The following PRKG2 variants were observed in gnomAD, a reference collection of about 807,000 sequenced individuals.
PRKG2 encodes the protein cGMP-dependent protein kinase 2.
In PRKG2, 33 loss-of-function variants were observed where a neutral mutation model predicts 97.2. The observed-to-expected ratio is 0.34, with a 90% CI of 0.26 to 0.45. PRKG2 has a LOEUF of 0.45. PRKG2 is among the 20% of genes least tolerant of loss of function. The probability of loss-of-function intolerance (pLI) is 1.00; values close to 1 mark genes in which losing one functional copy is unlikely to be tolerated. For missense variants in PRKG2, 638 were observed against 900.0 expected, an observed-to-expected ratio of 0.71 and a Z score of 3.73; for synonymous variants, 330 against 321.8, an observed-to-expected ratio of 1.03 and a Z score of -0.27.
At position 81,143,694 on chromosome 4, in the gene PRKG2, T is replaced by C. The variant is rs138753787; in HGVS notation, c.1253+538A>G. 3.0e-3 allele frequency among the ~76,000 whole-genome samples: 460 copies of C among 152,288 alleles called. 2 individuals are homozygous for C. Among genetic ancestry groups the C allele is most frequent in the African/African-American group, 0.011 (439 of 41,562 alleles). On this transcript the variant is annotated intron_variant, in intron 10 of 18. Coordinates refer to ENST00000264399, the MANE Select transcript of PRKG2 (RefSeq NM_006259.3). The stretch of plus-strand genomic sequence containing the variant: ...ATATGGCTTTGATAGCACTATCTAG[T>C]GAACATGTGCTTAAGCATTCACTCT...
At chr4:81,205,875 A>G (rs1753618122) in intron 1 of PRKG2, among the ~76,000 whole-genome samples, 2 of 152,228 alleles carry the variant, frequency 1.3e-5, no homozygotes, top group Non-Finnish European at 2.9e-5. Context: ...TCATGAATCT[A>G]GTGAGTCTCT....
intron 12 of PRKG2, among the ~76,000 whole-genome samples, chr4:81,139,718 T>G (rs1300535668): frequency 1.4e-5 from 2 of 139,812 alleles, no homozygotes; most frequent in African/African-American, 2.7e-5. Context: ...GAGCTTGCAG[T>G]GAGCAAAGAT....
chr4:81,109,305 T>G (rs915716040), intron 15 of PRKG2, among the ~76,000 whole-genome samples: 4 of 152,246 alleles, frequency 2.6e-5, no homozygotes, highest in Non-Finnish European at 5.9e-5. Context: ...AAGTATGTGT[T>G]AAGACTTGTA....
At chr4:81,203,688 T>G (rs1753455950) in intron 2 of PRKG2, among the ~76,000 whole-genome samples, 1 of 152,102 alleles carries the variant, frequency 6.6e-6, no homozygotes, top group Admixed American at 6.5e-5. Flanking sequence ...AAAATCAAAC[T>G]TTCGCCCATA....
At position 81,114,044 on chromosome 4, in the gene PRKG2, C is replaced by T. The variant is rs570832219; in HGVS notation, c.1777-3433G>A. On this transcript the variant is annotated intron_variant, in intron 14 of 18. Transcript: ENST00000264399. ...CTAAGAGTATTTAGTAGAAGGTGGG[C>T]GAGATGAAGGGAAGACTTGCATACC... is the stretch of plus-strand genomic sequence containing the variant. Among the ~76,000 whole-genome samples the T allele has an allele frequency of 4.6e-5, 7 of 151,724 alleles. No individual in the cohort carries two copies. In the East Asian group the frequency reaches 7.8e-4, roughly 17 times the overall value.
intron 6 of PRKG2, among the ~76,000 whole-genome samples, chr4:81,156,064 A>C (rs1463332363): frequency 6.6e-6 from 1 of 152,160 alleles, no homozygotes; most frequent in East Asian, 1.9e-4. Flanking sequence ...GACAGGATCA[A>C]ATTCACACAT....
intron 17 of PRKG2, among the ~76,000 whole-genome samples, chr4:81,093,291 T>G (rs1033713985): frequency 6.6e-6 from 1 of 151,784 alleles, no homozygotes; most frequent in Admixed American, 6.6e-5. Flanking sequence ...CCTTCATGTC[T>G]TTTCTCAAAG....
intron 12 of PRKG2, 61 bp from the exon 13 acceptor site, chr4:81,137,543 G>C (rs1223187097): frequency 7.5e-7 from 1 of 1,332,736 alleles, no homozygotes; most frequent in African/African-American, 1.5e-5. Flanking sequence ...CCTTTTTAAA[G>C]TTGCTTAGAA....
intron 14 of PRKG2, among the ~76,000 whole-genome samples, chr4:81,126,094 G>A (rs1200202273): frequency 6.6e-6 from 1 of 152,074 alleles, no homozygotes; most frequent in Non-Finnish European, 1.5e-5. Context: ...TGCTCTCATC[G>A]TTCTACTCCC....
chr4:81,179,734 G>A lies in PRKG2; in HGVS notation c.462-4775C>T, dbSNP rs74360708. ...ATAAATGGAGTTAACACAATTTAAG[G>A]TCCAGCAATTGATAAAAGTACTAAT... is the stretch of plus-strand genomic sequence containing the variant. On this transcript the variant is annotated intron_variant, in intron 2 of 18. Transcript: ENST00000264399. Among the ~76,000 whole-genome samples, 78 of 152,248 alleles carry A rather than the reference G, an allele frequency of 5.1e-4. 1 individual carries two copies. The East Asian group carries it at 0.015, about 29-fold the overall frequency.
intron 6 of PRKG2, among the ~76,000 whole-genome samples, chr4:81,156,686 C>A (rs1237282524): frequency 1.3e-5 from 2 of 152,134 alleles, no homozygotes; most frequent in Non-Finnish European, 2.9e-5. Flanking sequence ...GGAAGTAAAG[C>A]TCTCCTCAGC....
intron 1 of PRKG2, among the ~76,000 whole-genome samples, chr4:81,208,100 G>C (rs907522417): frequency 1.3e-5 from 2 of 152,182 alleles, no homozygotes; most frequent in African/African-American, 2.4e-5. Context: ...ATGAGCAATA[G>C]AGTCAGGCCA....
chr4:81,186,614 A>G (rs1560613240), intron 2 of PRKG2, among the ~76,000 whole-genome samples: 1 of 152,182 alleles, frequency 6.6e-6, no homozygotes, highest in Non-Finnish European at 1.5e-5. Flanking sequence ...ACAAGAAATA[A>G]CTAAGATCAG....
chr4:81,095,751 T>C (rs552794770), intron 17 of PRKG2, among the ~76,000 whole-genome samples: 1 of 152,308 alleles, frequency 6.6e-6, no homozygotes, highest in East Asian at 1.9e-4. Flanking sequence ...AGAAGACTCA[T>C]AGAGTCTATT....
At chr4:81,185,851 C>A (rs1296171047) in intron 2 of PRKG2, among the ~76,000 whole-genome samples, 2 of 152,068 alleles carry the variant, frequency 1.3e-5, no homozygotes, top group East Asian at 3.8e-4. Context: ...GACTTTAAAC[C>A]TACAAAGATC....
At chr4:81,186,339 T>C (rs1013018538) in intron 2 of PRKG2, among the ~76,000 whole-genome samples, 20 of 152,048 alleles carry the variant, frequency 1.3e-4, no homozygotes, top group Non-Finnish European at 1.5e-5. Context: ...TGCACAACTA[T>C]ATGGAAACTG....
In PRKG2 at chr4:81,105,824, C is replaced by G; in HGVS notation, c.2052G>C (p.Arg684=). 6.2e-7 allele frequency: 1 copy of G among 1,613,782 alleles called. No homozygotes were observed. Among genetic ancestry groups the G allele is most frequent in the Non-Finnish European group, 8.5e-7 (1 of 1,179,768 alleles). ...ACTGTCATTCTCACCTGCAAAGCCT[C>G]CGAATCAAATCCTCAGGTCGTCGTG... The part of the protein sequence containing the change: ...KITRRPEDLI[R]RLCRQNPTER... The change falls in exon 16 of 19, where the codon CGG becomes CGC. Residue 684 remains arginine (R), a synonymous_variant. Coordinates refer to ENST00000264399, the MANE Select transcript of PRKG2 (RefSeq NM_006259.3).
At chr4:81,187,892 A>C (rs1321700651) in intron 2 of PRKG2, among the ~76,000 whole-genome samples, 2 of 152,124 alleles carry the variant, frequency 1.3e-5, no homozygotes, top group African/African-American at 2.4e-5. Context: ...TAAAGACTTA[A>C]ACGTTAGACC....
chr4:81,094,880 G>C (rs1215782440), intron 17 of PRKG2, among the ~76,000 whole-genome samples: 4 of 152,190 alleles, frequency 2.6e-5, no homozygotes, highest in African/African-American at 9.7e-5. Context: ...TACGTGTAGT[G>C]AAAGAATCAG....
Sources: gnomAD v4.1 joint callset for allele counts (sites outside exome capture counted in the v4.1 genomes callset) on GRCh38, gnomAD v4.1.1 for gene constraint, MANE v1.5 for transcripts, NCBI Gene and HGNC (gene_info 2026-07-23, HGNC 2026-07-21) for gene names.